The following KLHL14 variants were observed in gnomAD, a reference collection of about 807,000 sequenced individuals.
KLHL14 encodes the protein kelch-like protein 14.
A neutral mutation model predicts 64.3 loss-of-function variants in KLHL14; 22 were observed. That is an observed-to-expected ratio of 0.34 (90% CI 0.24 to 0.49). The LOEUF (loss-of-function observed/expected upper bound fraction) is 0.49. Among genes scored for constraint, KLHL14 ranks in the 20% least tolerant of loss-of-function variants. KLHL14 has a pLI of 0.99. For synonymous variants in KLHL14, 322 were observed against 333.4 expected (o/e 0.97, Z 0.37); for missense variants, 661 against 789.0 (o/e 0.84, Z 1.94).
In KLHL14 at chr18:32,674,567, C is replaced by A; in HGVS notation, c.*90G>T. ...CAAGGGTGGGTTTTGGCAGTTGTAC[C>A]ATTAGAATGCATTGTTCCTATTATA... On this transcript the variant is annotated 3_prime_UTR_variant, in exon 9 of 9. Coordinates refer to ENST00000359358, the MANE Select transcript of KLHL14 (RefSeq NM_020805.3). 2.9e-6 allele frequency: 2 copies of A among 697,252 alleles called. No homozygotes were observed. The highest frequency in any genetic ancestry group is 2.7e-6 in the Non-Finnish European group (1 of 375,504). 43.2% of individuals were successfully genotyped at this position (697,252 alleles called of 1,614,324 possible).
intron 2 of KLHL14, among the ~76,000 whole-genome samples, chr18:32,755,348 A>G (rs1309573980): frequency 1.3e-5 from 2 of 152,084 alleles, no homozygotes; most frequent in Non-Finnish European, 2.9e-5. Flanking sequence ...AGTTTACCAT[A>G]TTCTCTGAAG....
At chr18:32,743,559 G>C (rs2050209767) in intron 2 of KLHL14, 1 of 152,242 alleles carries the variant, frequency 6.6e-6, no homozygotes, top group South Asian at 2.1e-4. Flanking sequence ...TGAGTAATGT[G>C]ATGGCAGCTT....
At position 32,769,688 on chromosome 18, in the gene KLHL14, G is replaced by A; in HGVS notation, c.904C>T (p.Leu302=). 6.4e-7 allele frequency: 1 copy of A among 1,560,180 alleles called. No individual in the cohort carries two copies. Among genetic ancestry groups the A allele is most frequent in the Non-Finnish European group, 8.7e-7 (1 of 1,150,272 alleles). The change falls in exon 2 of 9, where the codon CTG becomes TTG. Residue 302 remains leucine, a synonymous_variant. Transcript: ENST00000359358. ...CTGCAGTGCTGCCTGAAGGGCATCA[G>A]GTGGTAGTTCATGGCGTCCAGCAGC... is the stretch of plus-strand genomic sequence containing the variant. ...KLLLDAMNYH[L]MPFRQHCRQS...
intron 2 of KLHL14, among the ~76,000 whole-genome samples, chr18:32,746,332 C>G (rs2050223502): frequency 6.6e-6 from 1 of 152,218 alleles, no homozygotes; most frequent in East Asian, 1.9e-4. Context: ...CTCCTTTGTT[C>G]CATCTCAGTA....
intron 2 of KLHL14, among the ~76,000 whole-genome samples, chr18:32,760,337 C>CAA (rs2050307260): frequency 1.8e-5 from 1 of 56,458 alleles, no homozygotes; most frequent in African/African-American, 5.7e-5. Context: ...TACACACAGA[C>CAA]ATACACACAC....
chr18:32,750,674 G>T (rs951015173), intron 2 of KLHL14, among the ~76,000 whole-genome samples: 3 of 152,074 alleles, frequency 2.0e-5, no homozygotes, highest in Admixed American at 6.5e-5. Context: ...GAATTTCATG[G>T]TATCCTTGAC....
At chr18:32,746,650 G>A (rs970033075) in intron 2 of KLHL14, among the ~76,000 whole-genome samples, 2 of 152,204 alleles carry the variant, frequency 1.3e-5, no homozygotes, top group African/African-American at 2.4e-5. Context: ...TTAGAAATCA[G>A]CTGATATGCT....
chr18:32,682,016 C>T (rs1445957726), intron 5 of KLHL14, among the ~76,000 whole-genome samples: 1 of 152,142 alleles, frequency 6.6e-6, no homozygotes, highest in East Asian at 1.9e-4. Flanking sequence ...AAGTGCTTGT[C>T]ATAGTGTCCA....
rs529605133 is a variant in KLHL14, at chr18:32,682,621, T to C, written c.1239-2022A>G. ...ATGAGGGACTAAAAACTCATCTAAA[T>C]ATAAAATAAAATTTCAAAGCAGTTG... On this transcript the variant is annotated intron_variant, in intron 5 of 8. Transcript: ENST00000359358. Among the ~76,000 whole-genome samples the C allele has an allele frequency of 3.3e-5, 5 of 152,316 alleles. No individual in the cohort carries two copies. The East Asian group carries it at 9.6e-4, about 29-fold the overall frequency.
In KLHL14 at chr18:32,770,579, C is replaced by G. The variant is rs761995596; in HGVS notation, c.13G>C (p.Gly5Arg). The G allele has an allele frequency of 2.0e-6, 3 of 1,538,356 alleles. No individual in the cohort carries two copies. The highest frequency in any genetic ancestry group is 2.6e-6 in the Non-Finnish European group (3 of 1,140,642). MSRS[G>R]DRTSTFDPSH... The stretch of plus-strand genomic sequence containing the variant: ...GGGTCGAAGGTGGAGGTCCTGTCCC[C>G]GGATCTGGACATGGCGAGCTGACTC... The change falls in exon 2 of 9, where the codon GGG (glycine) becomes CGG (arginine). Residue 5 changes from glycine (G) to arginine (R), a missense_variant. Physicochemically the swap from Gly to Arg is moderately radical, Grantham distance 125. Transcript: ENST00000359358. The surrounding 1 kb of genome is among the most constrained non-coding windows in gnomAD (Gnocchi z 6.7).
chr18:32,718,550 G>C (rs915246808), intron 3 of KLHL14, among the ~76,000 whole-genome samples: 1 of 152,148 alleles, frequency 6.6e-6, no homozygotes, highest in Non-Finnish European at 1.5e-5. Flanking sequence ...AGAGAGCCCA[G>C]ATACTAAACA....
chr18:32,681,218 A>G (rs1014637108), intron 5 of KLHL14, among the ~76,000 whole-genome samples: 1 of 152,142 alleles, frequency 6.6e-6, no homozygotes, highest in Non-Finnish European at 1.5e-5. Flanking sequence ...AGGCTATAAG[A>G]TATTTTAAAT....
At chr18:32,766,729 T>C (rs1382019531) in intron 2 of KLHL14, among the ~76,000 whole-genome samples, 5 of 152,132 alleles carry the variant, frequency 3.3e-5, no homozygotes, top group African/African-American at 9.6e-5. Flanking sequence ...AAATGGAATA[T>C]GAATTTAAGT....
At chr18:32,712,050 ATTTG>A (rs1395723486) in intron 3 of KLHL14, among the ~76,000 whole-genome samples, 13 of 152,132 alleles carry the variant, frequency 8.5e-5, no homozygotes, top group Admixed American at 7.9e-4. Context: ...CTGGCCCACC[ATTTG>A]TTTTTGTTAA....
At chr18:32,709,464 T>TA in intron 3 of KLHL14, among the ~76,000 whole-genome samples, 1 of 151,700 alleles carries the variant, frequency 6.6e-6, no homozygotes, top group East Asian at 1.9e-4. Flanking sequence ...TTTTTTTTTT[T>TA]AAAGACAGGG....
chr18:32,748,485 T>A (rs996281991), intron 2 of KLHL14, among the ~76,000 whole-genome samples: 3 of 152,148 alleles, frequency 2.0e-5, no homozygotes, highest in Non-Finnish European at 4.4e-5. Flanking sequence ...TTCTCCTGCC[T>A]CAGCCTCCCG....
At chr18:32,714,886 C>CTTTTTTTTTTTT (rs144797469) in intron 3 of KLHL14, among the ~76,000 whole-genome samples, 1 of 148,364 alleles carries the variant, frequency 6.7e-6, no homozygotes, top group Non-Finnish European at 1.5e-5. Flanking sequence ...CTCTGGTGGT[C>CTTTTTTTTTTTT]CTTTTTTTTT....
chr18:32,748,580 TCCTGG>T (rs1179423641), intron 2 of KLHL14, among the ~76,000 whole-genome samples: 2 of 151,636 alleles, frequency 1.3e-5, no homozygotes, highest in Non-Finnish European at 2.9e-5. Flanking sequence ...CGTCTCCATC[TCCTGG>T]CCTGGTGATC....
At chr18:32,718,720 A>C (rs12457977) in intron 3 of KLHL14, among the ~76,000 whole-genome samples, 1 of 152,000 alleles carries the variant, frequency 6.6e-6, no homozygotes, top group Admixed American at 6.6e-5. Context: ...AAATTCCATA[A>C]ATCTTTTGAT....
Sources: gnomAD v4.1 joint callset for allele counts (sites outside exome capture counted in the v4.1 genomes callset) on GRCh38, gnomAD v4.1.1 for gene constraint, Gnocchi (gnomAD v3.1) non-coding constraint, MANE v1.5 for transcripts, NCBI Gene and HGNC (gene_info 2026-07-23, HGNC 2026-07-21) for gene names.